The following KCNK13 variants were observed in gnomAD, a reference collection of about 807,000 sequenced individuals.
KCNK13 encodes the protein potassium channel subfamily K member 13.
Under a neutral mutation model 23.4 loss-of-function variants are expected in KCNK13, and 12 were observed. The observed-to-expected ratio is 0.51, with a 90% CI of 0.33 to 0.83. The LOEUF (loss-of-function observed/expected upper bound fraction) is 0.83, where lower values mean the gene tolerates loss of function less well. Ranked by LOEUF, KCNK13 falls within the 40% of genes least tolerant of loss-of-function variation. KCNK13 has a pLI of 0.02. For synonymous variants in KCNK13, 231 were observed against 229.5 expected (o/e 1.01, Z -0.06); for missense variants, 463 against 556.3 (o/e 0.83, Z 1.69).
At chr14:90,143,278 G>A (rs550659490) in intron 1 of KCNK13, among the ~76,000 whole-genome samples, 3 of 150,270 alleles carry the variant, frequency 2.0e-5, no homozygotes, top group South Asian at 4.3e-4. Flanking sequence ...CGTGATCTCG[G>A]CTGGCTGCAA....
chr14:90,166,581 C>T (rs1348716688), intron 1 of KCNK13, among the ~76,000 whole-genome samples: 1 of 151,980 alleles, frequency 6.6e-6, no homozygotes, highest in Non-Finnish European at 1.5e-5. Context: ...TGGCAGGCAC[C>T]TATAATCCCA....
intron 1 of KCNK13, among the ~76,000 whole-genome samples, chr14:90,071,704 G>C (rs1006776545): frequency 1.3e-5 from 2 of 152,078 alleles, no homozygotes; most frequent in Non-Finnish European, 2.9e-5. Context: ...CAAGACCATT[G>C]TGGCCAACAT....
At chr14:90,077,022 T>C (rs965999539) in intron 1 of KCNK13, among the ~76,000 whole-genome samples, 13 of 151,660 alleles carry the variant, frequency 8.6e-5, no homozygotes, top group African/African-American at 2.7e-4. Context: ...GGTTTCACCA[T>C]GTTAGCCAGG....
In KCNK13 at chr14:90,107,526, C is replaced by T. The variant is rs1273011537; in HGVS notation, c.334+44987C>T. The T allele has an allele frequency of 2.4e-5, 9 of 379,558 alleles. No homozygotes were observed. In the South Asian group the frequency reaches 2.5e-4, roughly 11 times the overall value. 23.5% of individuals were successfully genotyped at this position (379,558 alleles called of 1,614,324 possible). A position where few individuals can be genotyped will look rare whatever the true frequency, so the allele number is the denominator to read the frequency against. On this transcript the variant is annotated intron_variant, in intron 1 of 1. Transcript: ENST00000282146. ...TTGAGCCTTCCCTCAACTTATAGGG[C>T]AGTTGCCTGCCTGGAAATTTCAGTA...
chr14:90,073,178 G>A (rs1012749364), intron 1 of KCNK13, among the ~76,000 whole-genome samples: 5 of 152,140 alleles, frequency 3.3e-5, no homozygotes, highest in African/African-American at 9.7e-5. Flanking sequence ...ACAGTGTGGT[G>A]GCCCTTAGGT....
In KCNK13 at chr14:90,185,229, T is replaced by A; in HGVS notation, c.*226T>A. On this transcript the variant is annotated 3_prime_UTR_variant, in exon 2 of 2. Coordinates refer to ENST00000282146, the MANE Select transcript of KCNK13 (RefSeq NM_022054.4). ...TGTCTCCTGATCCTTATTCTTTAAG[T>A]CTAAATTCAGTCTTTTCAAAACAAA... The A allele has an allele frequency of 2.2e-6, 1 of 449,672 alleles. No individual in the cohort carries two copies. Among genetic ancestry groups the A allele is most frequent in the Non-Finnish European group, 3.9e-6 (1 of 255,998 alleles). 27.9% of individuals were successfully genotyped at this position (449,672 alleles called of 1,614,324 possible).
intron 1 of KCNK13, among the ~76,000 whole-genome samples, chr14:90,125,628 C>T (rs1046865663): frequency 1.2e-3 from 9 of 7,438 alleles, no homozygotes; most frequent in South Asian, 0.011. Context: ...CACACACACG[C>T]GCACACACAC....
intron 1 of KCNK13, among the ~76,000 whole-genome samples, chr14:90,125,457 T>C (rs1383243064): frequency 6.6e-6 from 1 of 151,982 alleles, no homozygotes; most frequent in Non-Finnish European, 1.5e-5. Flanking sequence ...TCTTCTGACC[T>C]CGTGAATTGC....
intron 1 of KCNK13, among the ~76,000 whole-genome samples, chr14:90,166,705 C>CAA (rs11406494): frequency 0.012 from 1,332 of 110,824 alleles, 19 homozygotes; most frequent in African/African-American, 0.042. Context: ...GACTCTGTCT[C>CAA]AAAAAAAAAA....
At chr14:90,174,882 A>T (rs1286605147) in intron 1 of KCNK13, among the ~76,000 whole-genome samples, 5 of 151,494 alleles carry the variant, frequency 3.3e-5, no homozygotes, top group African/African-American at 9.7e-5. Context: ...AATAAATAAT[A>T]AATAAAATAA....
intron 1 of KCNK13, among the ~76,000 whole-genome samples, chr14:90,105,311 G>C (rs1175369726): frequency 6.6e-6 from 1 of 151,942 alleles, no homozygotes; most frequent in African/African-American, 2.4e-5. Context: ...CCCATCTTCA[G>C]CCGCACCTGA....
In KCNK13 at chr14:90,062,491, G is replaced by C; in HGVS notation, c.286G>C (p.Asp96His). 1 of 1,540,052 alleles carries C rather than the reference G, an allele frequency of 6.5e-7. No individual in the cohort carries two copies. Among genetic ancestry groups the C allele is most frequent in the African/African-American group, 1.4e-5 (1 of 72,330 alleles). Reference protein sequence around the residue: ...IRVDNVRPRWDFTGAFYFVGT... With the variant: ...IRVDNVRPRWHFTGAFYFVGT... ...CGTGGACAACGTCCGCCCGCGCTGG[G>C]ACTTCACCGGCGCCTTCTACTTCGT... The change falls in exon 1 of 2, where the codon GAC becomes CAC. Residue 96 changes from aspartate to histidine, a missense_variant. Physicochemically the swap from Asp to His is moderately conservative, Grantham distance 81. Coordinates refer to ENST00000282146, the MANE Select transcript of KCNK13 (RefSeq NM_022054.4). This position sits in a 1 kb window ranked among gnomAD's most constrained non-coding sequence, Gnocchi z 4.5.
rs142341240 is a variant in KCNK13 at position 90,158,032 on chromosome 14, A to G, written c.335-26079A>G. ...TATTTTTTCGAAGGATCAGATGGCAATGGCAATGAACCCCCGACCTTGGGA... is the reference window on the plus strand; with the variant it reads ...TATTTTTTCGAAGGATCAGATGGCAGTGGCAATGAACCCCCGACCTTGGGA... On this transcript the variant is annotated intron_variant, in intron 1 of 1. Transcript: ENST00000282146. 9.0e-3 allele frequency among the ~76,000 whole-genome samples: 1,371 copies of G among 152,248 alleles called. 17 individuals are homozygous for G. The highest frequency in any genetic ancestry group is 0.031 in the African/African-American group (1,301 of 41,556).
chr14:90,140,320 C>T (rs1384307229), intron 1 of KCNK13, among the ~76,000 whole-genome samples: 1 of 152,158 alleles, frequency 6.6e-6, no homozygotes, highest in Non-Finnish European at 1.5e-5. Context: ...TTCATTTCTT[C>T]TGGTTCTTGA....
chr14:90,078,912 A>G (rs868667123), intron 1 of KCNK13, among the ~76,000 whole-genome samples: 1 of 152,234 alleles, frequency 6.6e-6, no homozygotes, highest in African/African-American at 2.4e-5. Flanking sequence ...CACAGCTGTT[A>G]AGGAAGCATA....
intron 1 of KCNK13, among the ~76,000 whole-genome samples, chr14:90,160,618 G>A (rs940392428): frequency 4.6e-5 from 7 of 152,128 alleles, no homozygotes; most frequent in East Asian, 1.9e-4. Flanking sequence ...CAAGGCGGGT[G>A]GATCACCTGA....
At chr14:90,071,521 T>A (rs368508124) in intron 1 of KCNK13, among the ~76,000 whole-genome samples, 1 of 152,186 alleles carries the variant, frequency 6.6e-6, no homozygotes, top group Non-Finnish European at 1.5e-5. Context: ...CTCCCTGTTA[T>A]CAGGATTGAC....
intron 1 of KCNK13, among the ~76,000 whole-genome samples, chr14:90,100,622 C>T (rs560260098): frequency 1.2e-4 from 18 of 152,294 alleles, no homozygotes; most frequent in East Asian, 3.9e-4. Flanking sequence ...CCATGTGAAA[C>T]AGAGGAATGA....
chr14:90,090,189 A>T (rs1201896881), intron 1 of KCNK13, among the ~76,000 whole-genome samples: 1 of 152,246 alleles, frequency 6.6e-6, no homozygotes, highest in Non-Finnish European at 1.5e-5. Flanking sequence ...ACCAGCCATG[A>T]AAGCAGCCGG....
Sources: gnomAD v4.1 joint callset for allele counts (sites outside exome capture counted in the v4.1 genomes callset) on GRCh38, gnomAD v4.1.1 for gene constraint, Gnocchi (gnomAD v3.1) non-coding constraint, MANE v1.5 for transcripts, NCBI Gene and HGNC (gene_info 2026-07-23, HGNC 2026-07-21) for gene names.